Variants in CAMK1D observed in about 807,000 individuals in gnomAD.
CAMK1D encodes the protein calcium/calmodulin dependent protein kinase ID.
Under a neutral mutation model 47.7 loss-of-function variants are expected in CAMK1D, and 9 were observed. The ratio of observed to expected loss-of-function variants is 0.19; its 90% CI spans 0.11 to 0.33. CAMK1D has a LOEUF of 0.33. Ranked by LOEUF, CAMK1D falls within the 10% of genes least tolerant of loss-of-function variation. CAMK1D has a pLI of 1.00. For synonymous variants in CAMK1D, 184 were observed against 184.9 expected (o/e 0.99, Z 0.04); for missense variants, 291 against 488.7 (o/e 0.60, Z 3.81).
chr10:12,496,384 C>A (rs934877399), intron 1 of CAMK1D, among the ~76,000 whole-genome samples: 1 of 152,072 alleles, frequency 6.6e-6, no homozygotes. Flanking sequence ...CGTCTGGGAC[C>A]CGGGCTGTTT....
chr10:12,436,448 A>C (rs530577085), intron 1 of CAMK1D, among the ~76,000 whole-genome samples: 1 of 152,206 alleles, frequency 6.6e-6, no homozygotes, highest in African/African-American at 2.4e-5. Context: ...AGCTGGTCGG[A>C]GGCATTATTC....
intron 5 of CAMK1D, among the ~76,000 whole-genome samples, chr10:12,770,762 C>T (rs775389192): frequency 6.6e-6 from 1 of 152,004 alleles, no homozygotes; most frequent in Non-Finnish European, 1.5e-5. Context: ...AGAAGCCAGC[C>T]ATGTGGGAGT....
chr10:12,474,652 C>T (rs1249790593), intron 1 of CAMK1D, among the ~76,000 whole-genome samples: 2 of 150,382 alleles, frequency 1.3e-5, no homozygotes, highest in East Asian at 1.9e-4. Flanking sequence ...TATAGGTAAA[C>T]TCATATCATG....
At chr10:12,363,611 A>G (rs930619345) in intron 1 of CAMK1D, among the ~76,000 whole-genome samples, 15 of 151,618 alleles carry the variant, frequency 9.9e-5, no homozygotes, top group Non-Finnish European at 2.2e-4. Context: ...TTTAGAGGAT[A>G]CTGACAAAAA....
At chr10:12,481,260 C>G (rs1012155639) in intron 1 of CAMK1D, among the ~76,000 whole-genome samples, 6 of 152,150 alleles carry the variant, frequency 3.9e-5, no homozygotes, top group Non-Finnish European at 8.8e-5. Context: ...TTTTGCATTT[C>G]TGATGACCAG....
intron 3 of CAMK1D, among the ~76,000 whole-genome samples, chr10:12,746,867 T>G (rs1390705055): frequency 6.6e-6 from 1 of 152,202 alleles, no homozygotes; most frequent in African/African-American, 2.4e-5. Flanking sequence ...CCAGATCAGT[T>G]TATCCTTCTG....
intron 2 of CAMK1D, among the ~76,000 whole-genome samples, chr10:12,566,877 G>T (rs902576745): frequency 2.6e-5 from 4 of 152,158 alleles, no homozygotes; most frequent in African/African-American, 9.7e-5. Flanking sequence ...AATTAGATGC[G>T]CTGTTCTTTC....
intron 2 of CAMK1D, among the ~76,000 whole-genome samples, chr10:12,628,519 C>G (rs759620537): frequency 2.6e-5 from 4 of 152,070 alleles, no homozygotes; most frequent in African/African-American, 2.4e-5. Context: ...CCAATTTGCC[C>G]TATTATTAAC....
chr10:12,766,284 C>G (rs1376409394), intron 4 of CAMK1D, among the ~76,000 whole-genome samples: 4 of 150,678 alleles, frequency 2.7e-5, no homozygotes, highest in African/African-American at 7.3e-5. Context: ...GCCCTGGCCC[C>G]GTGCCCTGCC....
intron 1 of CAMK1D, among the ~76,000 whole-genome samples, chr10:12,471,816 G>C (rs1833754295): frequency 6.6e-6 from 1 of 152,096 alleles, no homozygotes; most frequent in African/African-American, 2.4e-5. Flanking sequence ...AGGATCGCTT[G>C]AGCCCAGGAG....
intron 5 of CAMK1D, among the ~76,000 whole-genome samples, chr10:12,774,980 T>G (rs1168308254): frequency 6.6e-6 from 1 of 151,816 alleles, no homozygotes; most frequent in African/African-American, 2.4e-5. Context: ...GGATAGATGG[T>G]GGGGGTAGGG....
intron 1 of CAMK1D, among the ~76,000 whole-genome samples, chr10:12,503,723 C>T (rs1834777780): frequency 6.6e-6 from 1 of 152,120 alleles, no homozygotes. Flanking sequence ...GATTTTCCCC[C>T]TTTTCCATGA....
At chr10:12,391,516 G>A (rs558023494) in intron 1 of CAMK1D, among the ~76,000 whole-genome samples, 6 of 151,798 alleles carry the variant, frequency 4.0e-5, no homozygotes, top group South Asian at 4.2e-4. Context: ...CATGCTGACC[G>A]TTTTTTTTAA....
intron 1 of CAMK1D, among the ~76,000 whole-genome samples, chr10:12,534,459 T>C (rs2002227): frequency 0.37 from 56,975 of 151,986 alleles, 11,242 homozygotes; most frequent in East Asian, 0.58. Context: ...CTCCACCTCC[T>C]GGGTTCAAGC....
chr10:12,758,283 T>C (rs765778331), intron 3 of CAMK1D, among the ~76,000 whole-genome samples: 4 of 152,218 alleles, frequency 2.6e-5, no homozygotes, highest in Non-Finnish European at 5.9e-5. Flanking sequence ...AACAGTACCA[T>C]AGGTTTTTGA....
At chr10:12,626,483 T>C (rs116221907) in intron 2 of CAMK1D, among the ~76,000 whole-genome samples, 1,629 of 150,828 alleles carry the variant, frequency 0.011, 38 homozygotes, top group African/African-American at 0.037. Flanking sequence ...TTCTTTTTTT[T>C]TTTTTTTTGA....
At chr10:12,471,254 C>T (rs17151749) in intron 1 of CAMK1D, among the ~76,000 whole-genome samples, 1,940 of 152,302 alleles carry the variant, frequency 0.013, 41 homozygotes, top group African/African-American at 0.039. Flanking sequence ...TGCTCTGGAT[C>T]AGCCCCTGGT....
chr10:12,551,796 C>T (rs953533472), intron 1 of CAMK1D, among the ~76,000 whole-genome samples: 1 of 152,102 alleles, frequency 6.6e-6, no homozygotes, highest in Non-Finnish European at 1.5e-5. Flanking sequence ...CCAAAACCAC[C>T]CTCCTCTCCC....
chr10:12,737,539 G>A (rs1835242211), intron 3 of CAMK1D, among the ~76,000 whole-genome samples: 1 of 152,042 alleles, frequency 6.6e-6, no homozygotes, highest in South Asian at 2.1e-4. Flanking sequence ...AACTTGCAAA[G>A]TCCCACCCCA....
Sources: allele counts gnomAD v4.1 joint callset (sites outside exome capture counted in the v4.1 genomes callset), GRCh38; gene constraint gnomAD v4.1.1; transcripts MANE v1.5; gene names NCBI Gene and HGNC (gene_info 2026-07-23, HGNC 2026-07-21).